Variants in LINGO2 observed in about 807,000 individuals in gnomAD.
LINGO2 encodes the protein leucine rich repeat and Ig domain containing 2.
In LINGO2, 14 loss-of-function variants were observed where a neutral mutation model predicts 30.6. The observed-to-expected ratio is 0.46, with a 90% CI of 0.30 to 0.72. The LOEUF is 0.72. LINGO2 is among the 30% of genes least tolerant of loss of function. The pLI is 0.07. For missense variants in LINGO2, 729 were observed against 751.7 expected (o/e 0.97, Z 0.35); for synonymous variants, 317 against 288.5 (o/e 1.10, Z -1.00).
chr9:28,640,497 TTTC>T (rs1827519046), intron 1 of LINGO2, among the ~76,000 whole-genome samples: 1 of 150,956 alleles, frequency 6.6e-6, no homozygotes, highest in African/African-American at 2.4e-5. Flanking sequence ...CAGTCCCATA[TTTC>T]TTGGAGGCCT....
At chr9:28,291,304 G>T (rs7038394) in intron 4 of LINGO2, among the ~76,000 whole-genome samples, 2 of 152,058 alleles carry the variant, frequency 1.3e-5, no homozygotes, top group Non-Finnish European at 2.9e-5. Flanking sequence ...ATTAGGCATT[G>T]AAGTGAACAG....
intron 5 of LINGO2, among the ~76,000 whole-genome samples, chr9:27,979,314 A>G (rs1370501713): frequency 1.3e-5 from 2 of 151,882 alleles, no homozygotes; most frequent in African/African-American, 2.4e-5. Flanking sequence ...ACTAATCTCT[A>G]TCTTTTATTT....
At chr9:28,510,678 A>G in intron 1 of LINGO2, among the ~76,000 whole-genome samples, 1 of 32,266 alleles carries the variant, frequency 3.1e-5, no homozygotes, top group South Asian at 2.7e-3. Context: ...TCAACTGTAT[A>G]TATATGTGTG....
chr9:28,989,520 G>C, the LINGO2 span, among the ~76,000 whole-genome samples: 2 of 152,124 alleles, frequency 1.3e-5, no homozygotes, highest in African/African-American at 2.4e-5. Flanking sequence ...CTAGAGCCTT[G>C]ATTGCCTAGG....
intron 4 of LINGO2, among the ~76,000 whole-genome samples, chr9:28,056,659 A>G (rs913865901): frequency 2.6e-5 from 4 of 152,144 alleles, no homozygotes; most frequent in Admixed American, 6.6e-5. Flanking sequence ...TCTAAGAATG[A>G]TCTTAGATAT....
intron 4 of LINGO2, among the ~76,000 whole-genome samples, chr9:28,066,762 A>G (rs1412802409): frequency 6.6e-6 from 1 of 152,072 alleles, no homozygotes; most frequent in Non-Finnish European, 1.5e-5. Flanking sequence ...TGAATGCCCA[A>G]TTTGCTTTAA....
chr9:29,180,424 C>G, the LINGO2 span, among the ~76,000 whole-genome samples: 1 of 152,284 alleles, frequency 6.6e-6, no homozygotes, highest in South Asian at 2.1e-4. Flanking sequence ...TTATTCCTTA[C>G]AGACATTATC....
chr9:28,198,168 A>C (rs976187161), intron 4 of LINGO2, among the ~76,000 whole-genome samples: 1 of 151,890 alleles, frequency 6.6e-6, no homozygotes, highest in Non-Finnish European at 1.5e-5. Context: ...GGAAAAAAAA[A>C]CTAAATGTCC....
the LINGO2 span, among the ~76,000 whole-genome samples, chr9:28,708,372 TA>T: frequency 6.6e-6 from 1 of 152,120 alleles, no homozygotes; most frequent in East Asian, 1.9e-4. Flanking sequence ...CCCATCTGAT[TA>T]GTTTTGCATC....
intron 1 of LINGO2, among the ~76,000 whole-genome samples, chr9:28,626,413 A>G (rs1417469427): frequency 6.6e-6 from 1 of 152,086 alleles, no homozygotes; most frequent in Non-Finnish European, 1.5e-5. Context: ...ATAAAGTCCA[A>G]TGTGTCAATA....
At chr9:28,341,203 CA>C (rs1412140416) in intron 3 of LINGO2, among the ~76,000 whole-genome samples, 1 of 151,984 alleles carries the variant, frequency 6.6e-6, no homozygotes, top group Non-Finnish European at 1.5e-5. Context: ...CAGCACATAA[CA>C]AAAAACTAAA....
chr9:28,176,129 C>T (rs13301710), intron 4 of LINGO2, among the ~76,000 whole-genome samples: 13,762 of 152,196 alleles, frequency 0.09, 808 homozygotes, highest in Middle Eastern at 0.15. Context: ...ATACAATCTT[C>T]AAACCTACCT....
intron 1 of LINGO2, among the ~76,000 whole-genome samples, chr9:28,482,373 A>G (rs1389739289): frequency 6.6e-6 from 1 of 152,176 alleles, no homozygotes; most frequent in Non-Finnish European, 1.5e-5. Context: ...TCTGATGGCC[A>G]GTGATGATGA....
the LINGO2 span, among the ~76,000 whole-genome samples, chr9:28,810,587 A>G: frequency 6.6e-6 from 1 of 152,256 alleles, no homozygotes; most frequent in South Asian, 2.1e-4. Context: ...TGGGCATAAA[A>G]GCAGAGAAAT....
the LINGO2 span, among the ~76,000 whole-genome samples, chr9:28,803,696 A>G: frequency 6.6e-6 from 1 of 151,944 alleles, no homozygotes; most frequent in Non-Finnish European, 1.5e-5. Flanking sequence ...TTTCCCCATT[A>G]GTCCAGATAA....
intron 1 of LINGO2, among the ~76,000 whole-genome samples, chr9:28,586,624 T>C (rs1364054216): frequency 2.0e-5 from 3 of 152,050 alleles, no homozygotes; most frequent in Admixed American, 6.6e-5. Flanking sequence ...TTCCCAAATA[T>C]ATCTGTCCTT....
chr9:29,177,541 G>GA, the LINGO2 span, among the ~76,000 whole-genome samples: 21 of 151,564 alleles, frequency 1.4e-4, no homozygotes, highest in African/African-American at 4.6e-4. Context: ...CAGGAACCCA[G>GA]AAAAAAAACA....
At chr9:28,631,065 T>C (rs1220805928) in intron 1 of LINGO2, among the ~76,000 whole-genome samples, 1 of 151,994 alleles carries the variant, frequency 6.6e-6, no homozygotes, top group East Asian at 1.9e-4. Flanking sequence ...TCTATAATTA[T>C]TTAAATATTA....
intron 2 of LINGO2, among the ~76,000 whole-genome samples, chr9:28,396,335 A>C (rs1160010013): frequency 1.3e-5 from 2 of 152,194 alleles, no homozygotes; most frequent in Non-Finnish European, 2.9e-5. Flanking sequence ...TCTAGTCAGA[A>C]TATTTTATTA....
Sources: allele counts gnomAD v4.1 joint callset (sites outside exome capture counted in the v4.1 genomes callset), GRCh38; gene constraint gnomAD v4.1.1; transcripts MANE v1.5; gene names NCBI Gene and HGNC (gene_info 2026-07-23, HGNC 2026-07-21).